The following ACTR3C variants were observed in gnomAD, a reference collection of about 807,000 sequenced individuals.
The protein encoded by ACTR3C is actin-related protein 3C.
Under a neutral mutation model 26.3 loss-of-function variants are expected in ACTR3C, and 18 were observed. The ratio of observed to expected loss-of-function variants is 0.68; its 90% CI spans 0.47 to 1.01. The LOEUF (loss-of-function observed/expected upper bound fraction) is 1.01, where lower values mean the gene tolerates loss of function less well. Among genes scored for constraint, ACTR3C ranks in the 50% least tolerant of loss-of-function variants. The pLI is 0.00. For synonymous variants in ACTR3C, 55 were observed against 94.5 expected, an observed-to-expected ratio of 0.58 and a Z score of 2.42; for missense variants, 184 against 250.7, an observed-to-expected ratio of 0.73 and a Z score of 1.80.
chr7:150,006,373 A>G, the ACTR3C span, among the ~76,000 whole-genome samples: 2 of 148,228 alleles, frequency 1.3e-5, no homozygotes, highest in East Asian at 3.9e-4. Context: ...ATTTTTTTGT[A>G]TTTTTAGTAG....
chr7:149,912,790 G>A, the ACTR3C span, among the ~76,000 whole-genome samples: 1 of 151,850 alleles, frequency 6.6e-6, no homozygotes, highest in Admixed American at 6.6e-5. Context: ...GTGAGCCACA[G>A]TGCCTGGCCC....
At chr7:150,021,120 CTT>C in the ACTR3C span, among the ~76,000 whole-genome samples, 2 of 150,542 alleles carry the variant, frequency 1.3e-5, no homozygotes, top group African/African-American at 5.0e-5. Context: ...TGCACCCAGC[CTT>C]TTTTTTTTAA....
At chr7:150,075,544 C>A in the ACTR3C span, among the ~76,000 whole-genome samples, 3 of 152,286 alleles carry the variant, frequency 2.0e-5, no homozygotes, top group South Asian at 6.2e-4. Flanking sequence ...ACTGATGATG[C>A]CAATAGTTAC....
the ACTR3C span, among the ~76,000 whole-genome samples, chr7:150,202,529 C>G: frequency 6.6e-6 from 1 of 152,046 alleles, no homozygotes. Context: ...AAAAAAAACT[C>G]ATGGATTCTT....
the ACTR3C span, among the ~76,000 whole-genome samples, chr7:149,924,445 A>AT: frequency 6.6e-6 from 1 of 152,184 alleles, no homozygotes; most frequent in African/African-American, 2.4e-5. Flanking sequence ...ACAAACAAAC[A>AT]AACACCAGAA....
chr7:150,168,172 G>A, the ACTR3C span, among the ~76,000 whole-genome samples: 1 of 150,702 alleles, frequency 6.6e-6, no homozygotes, highest in Non-Finnish European at 1.5e-5. Context: ...GTCTAGGGCT[G>A]CACACCTCCT....
At chr7:150,284,684 C>G in intron 6 of ACTR3C, 69 bp downstream of exon 6, 1 of 1,267,364 alleles carries the variant, frequency 7.9e-7, no homozygotes, top group Non-Finnish European at 1.1e-6. Context: ...ACAGTAATAC[C>G]GTCTTCTAAG....
the ACTR3C span, among the ~76,000 whole-genome samples, chr7:150,232,325 C>T: frequency 6.6e-6 from 1 of 152,126 alleles, no homozygotes. Flanking sequence ...ACACCTTTGT[C>T]TTCAAATTGG....
At chr7:150,197,714 C>T in the ACTR3C span, among the ~76,000 whole-genome samples, 1 of 152,198 alleles carries the variant, frequency 6.6e-6, no homozygotes, top group Non-Finnish European at 1.5e-5. Flanking sequence ...TCCTATCACA[C>T]GGATGATTAC....
At chr7:149,911,368 C>T in the ACTR3C span, among the ~76,000 whole-genome samples, 1 of 151,470 alleles carries the variant, frequency 6.6e-6, no homozygotes, top group African/African-American at 2.4e-5. Flanking sequence ...CACCTTCCCA[C>T]ACTGTTAGAC....
chr7:150,045,681 G>C, the ACTR3C span, among the ~76,000 whole-genome samples: 266 of 151,728 alleles, frequency 1.8e-3, 2 homozygotes, highest in African/African-American at 6.2e-3. Flanking sequence ...CTGTGTTTAT[G>C]TGAGAATCAT....
chr7:149,901,657 G>A, the ACTR3C span, among the ~76,000 whole-genome samples: 2 of 151,836 alleles, frequency 1.3e-5, no homozygotes, highest in East Asian at 1.9e-4. Flanking sequence ...AGTGGCTCAC[G>A]CCTGTAATCA....
chr7:149,970,237 A>ATC, the ACTR3C span, among the ~76,000 whole-genome samples: 1 of 151,750 alleles, frequency 6.6e-6, no homozygotes, highest in South Asian at 2.1e-4. Flanking sequence ...TTCCAGGTGC[A>ATC]AATTCAAGCA....
At chr7:149,933,773 C>T in the ACTR3C span, among the ~76,000 whole-genome samples, 1 of 151,852 alleles carries the variant, frequency 6.6e-6, no homozygotes, top group Non-Finnish European at 1.5e-5. Context: ...AGTCAGACTC[C>T]AGGTGTAGAG....
chr7:149,919,211 T>C, the ACTR3C span, among the ~76,000 whole-genome samples: 3 of 152,154 alleles, frequency 2.0e-5, no homozygotes, highest in Non-Finnish European at 2.9e-5. Context: ...TTTCTTTTAC[T>C]GTGCATTTGT....
the ACTR3C span, among the ~76,000 whole-genome samples, chr7:149,907,468 C>CTCT: frequency 4.2e-3 from 504 of 119,582 alleles, 5 homozygotes; most frequent in Middle Eastern, 0.022. Flanking sequence ...CCTCTCTTGC[C>CTCT]TCTCTTCTCT....
the ACTR3C span, among the ~76,000 whole-genome samples, chr7:150,181,389 G>A: frequency 6.6e-6 from 1 of 150,714 alleles, no homozygotes; most frequent in Non-Finnish European, 1.5e-5. Flanking sequence ...AAAAAGACAG[G>A]CCGGGCAACA....
chr7:150,139,049 A>T, the ACTR3C span, among the ~76,000 whole-genome samples: 1,631 of 152,390 alleles, frequency 0.011, 12 homozygotes, highest in African/African-American at 0.037. Context: ...CAGGTATTTC[A>T]TTATACGTTA....
In ACTR3C at chr7:150,295,336, T is replaced by C. The variant is rs1445332868; in HGVS notation, c.-40A>G. ...ACTCTCTGTTTTCTGGTGTATTGAG[T>C]GGAGGTTCTGTCTGTAAGAAAACAT... is the stretch of plus-strand genomic sequence containing the variant. On this transcript the variant is annotated 5_prime_UTR_variant, in exon 2 of 8. Transcript: ENST00000683684. 1.9e-5 allele frequency: 30 copies of C among 1,613,620 alleles called. No individual in the cohort carries two copies. Among genetic ancestry groups the C allele is most frequent in the Non-Finnish European group, 2.4e-5 (28 of 1,179,470 alleles).
Sources: gnomAD v4.1 joint callset for allele counts (sites outside exome capture counted in the v4.1 genomes callset) on GRCh38, gnomAD v4.1.1 for gene constraint, MANE v1.5 for transcripts, NCBI Gene and HGNC (gene_info 2026-07-23, HGNC 2026-07-21) for gene names.